The following SPON1 variants were observed in gnomAD, a reference collection of about 807,000 sequenced individuals.
SPON1 encodes the protein spondin 1.
In SPON1, 52 loss-of-function variants were observed where a neutral mutation model predicts 111.7. The observed-to-expected ratio is 0.47, with a 90% confidence interval of 0.37 to 0.59. The LOEUF is 0.59. Among genes scored for constraint, SPON1 ranks in the 20% least tolerant of loss-of-function variants. The pLI is 0.00. For synonymous variants in SPON1, 410 were observed against 395.8 expected (o/e 1.04, Z -0.43); for missense variants, 957 against 1,068.5 (o/e 0.90, Z 1.46).
chr11:14,198,045 T>C (rs1380364781), intron 6 of SPON1, among the ~76,000 whole-genome samples: 2 of 152,200 alleles, frequency 1.3e-5, no homozygotes, highest in African/African-American at 4.8e-5. Context: ...AAAAATACAG[T>C]GCATTTAAGT....
At chr11:14,071,633 A>C (rs1372781650) in intron 3 of SPON1, among the ~76,000 whole-genome samples, 1 of 152,182 alleles carries the variant, frequency 6.6e-6, no homozygotes. Flanking sequence ...TAAGGTACGA[A>C]TCTTGGAATC....
At chr11:14,214,342 G>A (rs1564932597) in intron 6 of SPON1, among the ~76,000 whole-genome samples, 1 of 152,124 alleles carries the variant, frequency 6.6e-6, no homozygotes, top group Non-Finnish European at 1.5e-5. Flanking sequence ...CTGGCCCCAA[G>A]TAAGATGATG....
At chr11:14,177,043 T>G (rs1192697353) in intron 6 of SPON1, among the ~76,000 whole-genome samples, 2 of 151,948 alleles carry the variant, frequency 1.3e-5, no homozygotes, top group Non-Finnish European at 2.9e-5. Flanking sequence ...TTTGTTGTTG[T>G]TTGTTTGTTT....
At chr11:14,176,874 C>T (rs1848182702) in intron 6 of SPON1, among the ~76,000 whole-genome samples, 5 of 152,234 alleles carry the variant, frequency 3.3e-5, no homozygotes, top group South Asian at 2.1e-4. Context: ...TGTAACCACC[C>T]GAGGGGTTCG....
Position 14,160,967 on chromosome 11 carries a change from A to ATATATT in SPON1, c.825+25401_825+25406dup, listed in dbSNP as rs1847938681. Among the ~76,000 whole-genome samples the ATATATT allele has an allele frequency of 3.8e-5, 3 of 78,938 alleles. 1 individual carries two copies. Among genetic ancestry groups the ATATATT allele is most frequent in the Non-Finnish European group, 4.3e-5 (2 of 46,836 alleles). The allele number at this position is 78,938 out of a possible 152,430, so 51.8% of individuals were successfully genotyped here. A position where few individuals can be genotyped will look rare whatever the true frequency, so the allele number is the denominator to read the frequency against. ...TATTTATATATTTATATATATTTAT[A>ATATATT]TATATTTTTATATATTTATATATAT... On this transcript the variant is annotated intron_variant, in intron 6 of 15. Coordinates refer to ENST00000576479, the MANE Select transcript of SPON1 (RefSeq NM_006108.4).
chr11:14,147,688 A>G (rs1006722774), intron 6 of SPON1, among the ~76,000 whole-genome samples: 1 of 151,738 alleles, frequency 6.6e-6, no homozygotes, highest in African/African-American at 2.4e-5. Context: ...AAGTGCTGGT[A>G]TTATAGGCAT....
chr11:14,020,216 A>T (rs1848470882), intron 2 of SPON1, among the ~76,000 whole-genome samples: 1 of 152,208 alleles, frequency 6.6e-6, no homozygotes, highest in South Asian at 2.1e-4. Context: ...TAGGTCTTAT[A>T]GGGAACAGGG....
At chr11:13,996,107 A>ACTATATCTTGCC in intron 2 of SPON1, among the ~76,000 whole-genome samples, 1 of 152,130 alleles carries the variant, frequency 6.6e-6, no homozygotes, top group South Asian at 2.1e-4. Context: ...GCCATATTTT[A>ACTATATCTTGCC]ATGTTTTACT....
chr11:14,100,378 T>C (rs1368895363), intron 5 of SPON1, among the ~76,000 whole-genome samples: 1 of 150,650 alleles, frequency 6.6e-6, no homozygotes, highest in African/African-American at 2.4e-5. Context: ...GATTGTACTT[T>C]CTCATTTCTT....
At chr11:14,105,204 A>T (rs1286595559) in intron 5 of SPON1, among the ~76,000 whole-genome samples, 1 of 152,042 alleles carries the variant, frequency 6.6e-6, no homozygotes, top group Non-Finnish European at 1.5e-5. Flanking sequence ...TTCATTCCAT[A>T]AATCTATTCA....
intron 3 of SPON1, among the ~76,000 whole-genome samples, chr11:14,057,839 A>AC (rs1173080782): frequency 1.7e-5 from 2 of 121,126 alleles, no homozygotes; most frequent in African/African-American, 6.7e-5. Context: ...TACAAAAAAA[A>AC]AAAACAAAAC....
At chr11:13,972,387 G>A (rs529225022) in intron 1 of SPON1, among the ~76,000 whole-genome samples, 148 of 152,262 alleles carry the variant, frequency 9.7e-4, no homozygotes, top group South Asian at 5.2e-3. Context: ...ATGGTTTATC[G>A]TTAGATTTAA....
At chr11:14,208,460 CAT>C (rs1848539240) in intron 6 of SPON1, among the ~76,000 whole-genome samples, 1 of 152,066 alleles carries the variant, frequency 6.6e-6, no homozygotes, top group African/African-American at 2.4e-5. Flanking sequence ...TTTCACTTCT[CAT>C]ATTTTTATGA....
chr11:14,202,509 G>A (rs1419665859), intron 6 of SPON1, among the ~76,000 whole-genome samples: 1 of 152,074 alleles, frequency 6.6e-6, no homozygotes, highest in Non-Finnish European at 1.5e-5. Flanking sequence ...ACCCTCTAAC[G>A]GCCCCAGAGT....
chr11:14,102,427 C>T (rs1849151069), intron 5 of SPON1, among the ~76,000 whole-genome samples: 1 of 152,156 alleles, frequency 6.6e-6, no homozygotes, highest in Non-Finnish European at 1.5e-5. Flanking sequence ...ATTTTGCATT[C>T]TCTTTTTCAT....
intron 6 of SPON1, among the ~76,000 whole-genome samples, chr11:14,143,692 CA>C (rs35865034): frequency 0.39 from 59,140 of 151,852 alleles, 11,740 homozygotes; most frequent in East Asian, 0.55. Context: ...GGCAGGATTT[CA>C]GTCCTGTAGA....
chr11:14,215,606 C>A (rs1848618418), intron 6 of SPON1, among the ~76,000 whole-genome samples: 1 of 152,200 alleles, frequency 6.6e-6, no homozygotes, highest in South Asian at 2.1e-4. Flanking sequence ...CTGGCCAAAG[C>A]AGTCACAAAG....
At chr11:13,971,185 G>A (rs181927838) in intron 1 of SPON1, among the ~76,000 whole-genome samples, 15 of 152,342 alleles carry the variant, frequency 9.8e-5, no homozygotes, top group African/African-American at 2.2e-4. Context: ...CCACAGGGGC[G>A]TTGGCCAGAG....
intron 1 of SPON1, among the ~76,000 whole-genome samples, chr11:13,972,872 T>C (rs1554908765): frequency 6.6e-6 from 1 of 152,184 alleles, no homozygotes; most frequent in Non-Finnish European, 1.5e-5. Context: ...TTCCCATATT[T>C]GCAAAGCCCA....
Sources: gnomAD v4.1 joint callset for allele counts (sites outside exome capture counted in the v4.1 genomes callset) on GRCh38, gnomAD v4.1.1 for gene constraint, MANE v1.5 for transcripts, NCBI Gene and HGNC (gene_info 2026-07-23, HGNC 2026-07-21) for gene names.